Variants in PON3 observed in about 807,000 individuals in gnomAD.
The protein encoded by PON3 is serum paraoxonase/lactonase 3.
Under a neutral mutation model 36.3 loss-of-function variants are expected in PON3, and 37 were observed. That is an observed-to-expected ratio of 1.02 (90% CI 0.78 to 1.34). The LOEUF (loss-of-function observed/expected upper bound fraction) is 1.34, where lower values mean the gene tolerates loss of function less well. PON3 is among the 40% of genes most tolerant of loss of function. PON3 has a pLI of 0.00. For missense variants in PON3, 415 were observed against 426.5 expected (o/e 0.97, Z 0.24); for synonymous variants, 155 against 154.8 (o/e 1.00, Z -0.01).
At chr7:95,366,226 C>T (rs1262036752) in intron 5 of PON3, among the ~76,000 whole-genome samples, 4 of 152,136 alleles carry the variant, frequency 2.6e-5, no homozygotes, top group Non-Finnish European at 4.4e-5. Context: ...AGTTGATCCT[C>T]GCAATCCACT....
intron 4 of PON3, among the ~76,000 whole-genome samples, chr7:95,369,346 ATAC>A (rs1335423750): frequency 6.6e-6 from 1 of 152,212 alleles, no homozygotes. Context: ...AAAACAAAGA[ATAC>A]TAGAGTGGGG....
chr7:95,362,415 G>GA lies in PON3; in HGVS notation c.852dup (p.Pro285SerfsTer2). ...TAGTTCAGTAGCTTCATAGGATTAG[G>GA]ATGGCATCCTGCCAAAATGTCTCCT... On this transcript the variant is annotated frameshift_variant, in exon 8 of 9. Coordinates refer to ENST00000265627, the MANE Select transcript of PON3 (RefSeq NM_000940.3). LOFTEE classifies it high-confidence loss of function. 6.2e-7 allele frequency: 1 copy of GA among 1,613,728 alleles called. No individual in the cohort carries two copies.
intron 3 of PON3, among the ~76,000 whole-genome samples, chr7:95,383,607 C>G (rs1809115577): frequency 6.6e-6 from 1 of 152,122 alleles, no homozygotes; most frequent in South Asian, 2.1e-4. Context: ...TTCACAATTG[C>G]TTCAAAGAGA....
Position 95,372,314 on chromosome 7 carries a change from T to G in PON3, c.226A>C (p.Asn76His), listed in dbSNP as rs748991913. ...SSGLKYPGMP[N>H]FAPDEPGKIF... ...TTTCCTGGTTCATCTGGCGCAAAGT[T>G]TGGCATGCCTGGATATTTTAATCCC... is the stretch of plus-strand genomic sequence containing the variant. Residue 76 changes from asparagine (N) to histidine (H), a missense_variant, in exon 4 of 9, where the codon AAC becomes CAC. Physicochemically the swap from Asn to His is moderately conservative, Grantham distance 68. Transcript: ENST00000265627. The G allele has an allele frequency of 1.9e-6, 3 of 1,613,946 alleles. No homozygotes were observed. The highest frequency in any genetic ancestry group is 2.5e-6 in the Non-Finnish European group (3 of 1,179,888).
intron 4 of PON3, among the ~76,000 whole-genome samples, chr7:95,368,581 C>T (rs916609425): frequency 5.9e-5 from 9 of 152,150 alleles, no homozygotes; most frequent in African/African-American, 1.9e-4. Context: ...TCTACTGAAT[C>T]CCTCTTTCCA....
At chr7:95,371,977 T>G (rs538500057) in intron 4 of PON3, among the ~76,000 whole-genome samples, 196 bp downstream of exon 4, 6 of 152,242 alleles carry the variant, frequency 3.9e-5, no homozygotes, top group African/African-American at 1.4e-4. Flanking sequence ...GGAGGCCACA[T>G]AGGGCCAAAA....
chr7:95,372,113 G>A, intron 4 of PON3, 60 bp downstream of exon 4: 1 of 1,524,758 alleles, frequency 6.6e-7, no homozygotes, highest in Non-Finnish European at 9.1e-7. Context: ...TTGAGGGGCT[G>A]GAGATAAATG....
chr7:95,391,150 A>C (rs1037675635), intron 2 of PON3, among the ~76,000 whole-genome samples: 1 of 152,196 alleles, frequency 6.6e-6, no homozygotes, highest in Non-Finnish European at 1.5e-5. Flanking sequence ...GATCACATCA[A>C]AGCATTACTA....
chr7:95,392,668 G>A (rs938830159), intron 2 of PON3, among the ~76,000 whole-genome samples: 2 of 152,144 alleles, frequency 1.3e-5, no homozygotes, highest in African/African-American at 4.8e-5. Flanking sequence ...ATTTTAAGTG[G>A]TGGGTTCTAA....
intron 5 of PON3, chr7:95,365,056 C>G (rs1445379348): frequency 1.3e-5 from 2 of 152,168 alleles, no homozygotes; most frequent in Non-Finnish European, 2.9e-5. Flanking sequence ...TGTATCTCAG[C>G]TTAAGCATTC....
chr7:95,364,435 C>T, intron 5 of PON3: 1 of 312,380 alleles, frequency 3.2e-6, no homozygotes. Flanking sequence ...CTTCCCCATC[C>T]CCTTGCAGTT....
chr7:95,396,244 G>C (rs763510851), intron 1 of PON3, 33 bp downstream of exon 1: 58 of 1,609,008 alleles, frequency 3.6e-5, no homozygotes, highest in Non-Finnish European at 4.4e-5. Context: ...GAGAGAAAGA[G>C]AGTCGAAGAC....
At chr7:95,392,877 T>A (rs186158407) in intron 2 of PON3, among the ~76,000 whole-genome samples, 2 of 152,256 alleles carry the variant, frequency 1.3e-5, no homozygotes, top group African/African-American at 2.4e-5. Flanking sequence ...CCATTCCTTC[T>A]GAGGTCCTGC....
At chr7:95,383,978 A>G (rs1004989504) in intron 3 of PON3, among the ~76,000 whole-genome samples, 1 of 152,196 alleles carries the variant, frequency 6.6e-6, no homozygotes, top group African/African-American at 2.4e-5. Flanking sequence ...AGTAACCAAA[A>G]CAGCATGGTA....
intron 3 of PON3, among the ~76,000 whole-genome samples, chr7:95,388,944 TG>T (rs1809259645): frequency 6.6e-6 from 1 of 151,862 alleles, no homozygotes; most frequent in African/African-American, 2.4e-5. Context: ...TGTCAGGGTG[TG>T]GGGGGCTGGG....
Position 95,362,389 on chromosome 7 carries a change from A to G in PON3, c.879T>C (p.Tyr293=), listed in dbSNP as rs942660655. The G allele has an allele frequency of 1.1e-5, 17 of 1,613,664 alleles. No individual in the cohort carries two copies. In the Admixed American group the frequency reaches 2.2e-4, roughly 21 times the overall value. Residue 293 remains tyrosine, a synonymous_variant, in exon 8 of 9, where the codon TAT becomes TAC. Transcript: ENST00000265627. ...CTGATCCTGGAGGGTCCTCAGGGTTATAGTTCAGTAGCTTCATAGGATTAG... is the reference window on the plus strand; with the variant it reads ...CTGATCCTGGAGGGTCCTCAGGGTTGTAGTTCAGTAGCTTCATAGGATTAG... The part of the protein sequence containing the change: ...CHPNPMKLLN[Y]NPEDPPGSEV...
intron 4 of PON3, among the ~76,000 whole-genome samples, chr7:95,370,754 A>G (rs899873771): frequency 6.6e-6 from 1 of 152,230 alleles, no homozygotes; most frequent in African/African-American, 2.4e-5. Flanking sequence ...TATTGTTTTT[A>G]AAGCATATAT....
At chr7:95,395,441 T>C (rs1809407496) in intron 1 of PON3, among the ~76,000 whole-genome samples, 1 of 152,184 alleles carries the variant, frequency 6.6e-6, no homozygotes, top group Non-Finnish European at 1.5e-5. Flanking sequence ...TACTATTATT[T>C]TATGATTCTC....
intron 3 of PON3, among the ~76,000 whole-genome samples, chr7:95,389,574 C>T (rs773826288): frequency 2.2e-4 from 33 of 151,934 alleles, no homozygotes; most frequent in Non-Finnish European, 3.8e-4. Flanking sequence ...AAATGCTGTC[C>T]CTGGTGTAAC....
Sources: gnomAD v4.1 joint callset for allele counts (sites outside exome capture counted in the v4.1 genomes callset) on GRCh38, gnomAD v4.1.1 for gene constraint, MANE v1.5 for transcripts, NCBI Gene and HGNC (gene_info 2026-07-23, HGNC 2026-07-21) for gene names.